SPOCK3: variants seen among roughly 807,000 people sequenced by gnomAD.
SPOCK3 encodes SPARC (osteonectin), cwcv and kazal like domains proteoglycan 3.
In SPOCK3, 30 loss-of-function variants were observed where a neutral mutation model predicts 56.6. The observed-to-expected ratio is 0.53, with a 90% CI of 0.40 to 0.72. The LOEUF is 0.72. Among genes scored for constraint, SPOCK3 ranks in the 30% least tolerant of loss-of-function variants. The pLI, the probability that SPOCK3 is intolerant of heterozygous loss-of-function variation, is 0.00. For synonymous variants in SPOCK3, 196 were observed against 183.3 expected, an observed-to-expected ratio of 1.07 and a Z score of -0.56; for missense variants, 527 against 530.0, an observed-to-expected ratio of 0.99 and a Z score of 0.06.
intron 6 of SPOCK3, among the ~76,000 whole-genome samples, chr4:166,800,116 A>T (rs1742393954): frequency 7.1e-6 from 1 of 141,274 alleles, no homozygotes; most frequent in Non-Finnish European, 1.5e-5. Flanking sequence ...CGGGAGGCGG[A>T]GCTTGCAGTG....
chr4:166,800,757 GTTAA>G (rs1304666640), intron 6 of SPOCK3, among the ~76,000 whole-genome samples: 1 of 152,018 alleles, frequency 6.6e-6, no homozygotes, highest in Admixed American at 6.6e-5. Context: ...AGTAGCCAAG[GTTAA>G]TTTTGATTAG....
chr4:167,187,635 A>G (rs1298141997), intron 2 of SPOCK3, among the ~76,000 whole-genome samples: 1 of 152,038 alleles, frequency 6.6e-6, no homozygotes, highest in Non-Finnish European at 1.5e-5. Flanking sequence ...GGTCACTAAG[A>G]CACTATAAAT....
intron 2 of SPOCK3, among the ~76,000 whole-genome samples, chr4:167,127,909 C>T (rs1762414192): frequency 6.6e-6 from 1 of 152,208 alleles, no homozygotes; most frequent in South Asian, 2.1e-4. Context: ...TTACCATACA[C>T]TTGTGACAAC....
chr4:166,873,507 T>C (rs1354851735), intron 6 of SPOCK3, among the ~76,000 whole-genome samples: 1 of 152,112 alleles, frequency 6.6e-6, no homozygotes, highest in Non-Finnish European at 1.5e-5. Flanking sequence ...TGTGGATGTA[T>C]GGGTTATATG....
rs1458028010 is a variant in SPOCK3 at position 167,205,528 on chromosome 4, TA to T, written c.189+28456del. Among the ~76,000 whole-genome samples the T allele has an allele frequency of 1.0e-3, 60 of 57,966 alleles. 2 individuals carry two copies. The South Asian group carries it at 0.022, about 22-fold the overall frequency. The allele number at this position is 57,966 out of a possible 152,430, so 38.0% of individuals were successfully genotyped here. A position where few individuals can be genotyped will look rare whatever the true frequency, so the allele number is the denominator to read the frequency against. On this transcript the variant is annotated intron_variant, in intron 2 of 10. Coordinates refer to ENST00000357545, the MANE Select transcript of SPOCK3 (RefSeq NM_001040159.2). ...ATTATATAATATATATTATATATAT[TA>T]TTATATAATATATATTATATAATAT...
intron 2 of SPOCK3, among the ~76,000 whole-genome samples, chr4:167,121,782 T>A (rs1263569502): frequency 6.6e-6 from 1 of 152,170 alleles, no homozygotes; most frequent in African/African-American, 2.4e-5. Context: ...CAAAATATAA[T>A]TGCTTTGAAC....
At chr4:167,105,653 T>C (rs1760058158) in intron 2 of SPOCK3, among the ~76,000 whole-genome samples, 1 of 151,496 alleles carries the variant, frequency 6.6e-6, no homozygotes. Flanking sequence ...ATTGAAATGT[T>C]AAATGGACTA....
intron 4 of SPOCK3, among the ~76,000 whole-genome samples, chr4:166,948,750 A>G (rs1742110765): frequency 6.6e-6 from 1 of 152,032 alleles, no homozygotes; most frequent in South Asian, 2.1e-4. Flanking sequence ...GGGTAACCCG[A>G]CCTTTCTCTC....
intron 4 of SPOCK3, among the ~76,000 whole-genome samples, chr4:166,931,022 G>A (rs946273982): frequency 2.6e-5 from 4 of 151,760 alleles, no homozygotes; most frequent in South Asian, 2.1e-4. Flanking sequence ...TCACTCTGTC[G>A]CCAAGCTGGA....
At chr4:167,201,777 G>A (rs986206705) in intron 2 of SPOCK3, among the ~76,000 whole-genome samples, 3 of 151,366 alleles carry the variant, frequency 2.0e-5, no homozygotes, top group Non-Finnish European at 4.4e-5. Flanking sequence ...TAGCAGTATT[G>A]TAGGAGAATG....
chr4:167,161,584 C>G (rs371248485), intron 2 of SPOCK3, among the ~76,000 whole-genome samples: 3 of 152,040 alleles, frequency 2.0e-5, no homozygotes, highest in East Asian at 1.9e-4. Context: ...TAAAGGCACA[C>G]GCTCACGTAT....
Position 166,754,594 on chromosome 4 carries a change from G to T in SPOCK3, c.845C>A (p.Thr282Asn), listed in dbSNP as rs1244432979. The T allele has an allele frequency of 6.2e-7, 1 of 1,613,588 alleles. No homozygotes were observed. Among genetic ancestry groups the T allele is most frequent in the African/African-American group, 1.3e-5 (1 of 75,000 alleles). ...SIYLDKNEQCTKAFFNSCDTY... is the reference protein window; with the variant it reads ...SIYLDKNEQCNKAFFNSCDTY... ...GTCACAAGAATTGAAGAATGCCTTGGTACACTGTTCATTCTTATCAAGGTA... is the reference window on the plus strand; with the variant it reads ...GTCACAAGAATTGAAGAATGCCTTGTTACACTGTTCATTCTTATCAAGGTA... Residue 282 changes from threonine to asparagine, a missense_variant, in exon 8 of 11, where the codon ACC becomes AAC. Coordinates refer to ENST00000357545, the MANE Select transcript of SPOCK3 (RefSeq NM_001040159.2).
intron 2 of SPOCK3, among the ~76,000 whole-genome samples, chr4:167,114,034 G>A (rs1315332376): frequency 1.3e-5 from 2 of 152,016 alleles, no homozygotes; most frequent in Non-Finnish European, 2.9e-5. Context: ...GAGAGAAAGA[G>A]GGGAAAACTT....
At chr4:167,111,357 T>C (rs1332221882) in intron 2 of SPOCK3, among the ~76,000 whole-genome samples, 2 of 152,002 alleles carry the variant, frequency 1.3e-5, no homozygotes, top group Non-Finnish European at 2.9e-5. Context: ...ACAGTCACAG[T>C]GATCACTTTT....
intron 6 of SPOCK3, among the ~76,000 whole-genome samples, chr4:166,883,859 A>G (rs1321003095): frequency 1.3e-5 from 2 of 152,246 alleles, no homozygotes; most frequent in Non-Finnish European, 1.5e-5. Context: ...TAATGTCACA[A>G]AATTATAACC....
At chr4:167,133,099 G>A (rs780747438) in intron 2 of SPOCK3, among the ~76,000 whole-genome samples, 1 of 152,034 alleles carries the variant, frequency 6.6e-6, no homozygotes, top group African/African-American at 2.4e-5. Context: ...CCTAATTCCA[G>A]GAATATGTTA....
At chr4:166,930,326 T>C (rs946688287) in intron 4 of SPOCK3, among the ~76,000 whole-genome samples, 3 of 152,128 alleles carry the variant, frequency 2.0e-5, no homozygotes, top group Non-Finnish European at 4.4e-5. Context: ...ATAAAAGCTG[T>C]CAACATACCT....
At chr4:166,879,571 A>G (rs561996929) in intron 6 of SPOCK3, among the ~76,000 whole-genome samples, 1 of 152,318 alleles carries the variant, frequency 6.6e-6, no homozygotes, top group South Asian at 2.1e-4. Context: ...GACAAAGGCA[A>G]ATTACCTTGC....
intron 3 of SPOCK3, among the ~76,000 whole-genome samples, chr4:167,035,408 T>C (rs930894907): frequency 2.0e-5 from 3 of 151,278 alleles, no homozygotes; most frequent in Admixed American, 2.0e-4. Flanking sequence ...TAATGTAAGA[T>C]GTGATGAAAA....
Sources: allele counts gnomAD v4.1 joint callset (sites outside exome capture counted in the v4.1 genomes callset), GRCh38; gene constraint gnomAD v4.1.1; transcripts MANE v1.5; gene names NCBI Gene and HGNC (gene_info 2026-07-23, HGNC 2026-07-21).